Variants in DLG2 observed in about 807,000 individuals in gnomAD.
DLG2 encodes the protein discs large MAGUK scaffold protein 2.
A neutral mutation model predicts 132.5 loss-of-function variants in DLG2; 45 were observed. The ratio of observed to expected loss-of-function variants is 0.34; its 90% confidence interval spans 0.27 to 0.44. The LOEUF (loss-of-function observed/expected upper bound fraction) is 0.44. Among genes scored for constraint, DLG2 ranks in the 20% least tolerant of loss-of-function variants. The pLI is 1.00. For synonymous variants in DLG2, 424 were observed against 419.6 expected (o/e 1.01, Z -0.13); for missense variants, 1,045 against 1,196.9 (o/e 0.87, Z 1.87).
chr11:84,392,834 G>T (rs1243017455), intron 7 of DLG2, among the ~76,000 whole-genome samples: 1 of 151,984 alleles, frequency 6.6e-6, no homozygotes, highest in Non-Finnish European at 1.5e-5. Flanking sequence ...TTCTAATTTG[G>T]GCAGTTTGGG....
intron 3 of DLG2, among the ~76,000 whole-genome samples, chr11:85,458,294 G>C (rs529124837): frequency 6.6e-6 from 1 of 150,702 alleles, no homozygotes; most frequent in Admixed American, 6.6e-5. Flanking sequence ...AATCTGTTTG[G>C]TTATTCCTTA....
intron 4 of DLG2, among the ~76,000 whole-genome samples, chr11:85,160,350 G>T (rs1350733251): frequency 6.6e-6 from 1 of 152,204 alleles, no homozygotes; most frequent in African/African-American, 2.4e-5. Flanking sequence ...GGCAGATAGG[G>T]ATGCTGTTTG....
intron 6 of DLG2, among the ~76,000 whole-genome samples, chr11:84,721,296 G>T (rs1405159408): frequency 6.6e-6 from 1 of 152,132 alleles, no homozygotes; most frequent in Non-Finnish European, 1.5e-5. Flanking sequence ...GTTGACTTCT[G>T]GTTCAGCGAG....
chr11:83,963,009 T>C lies in DLG2; in HGVS notation c.1216A>G (p.Met406Val), dbSNP rs764812723. The stretch of plus-strand genomic sequence containing the variant: ...TTGCCAGAGAGTAGATGGTTTTCCA[T>C]TGGTGGAGAATAAGCTAAGAGGTGG... ...PDITHSYSPP[M>V]ENHLLSGNNG... Residue 406 changes from methionine (M) to valine (V), a missense_variant, in exon 14 of 28, where the codon ATG becomes GTG. Transcript: ENST00000376104. 10 of 1,612,756 alleles carry C rather than the reference T, an allele frequency of 6.2e-6. No homozygotes were observed. Among genetic ancestry groups the C allele is most frequent in the East Asian group, 4.5e-5 (2 of 44,856 alleles).
At chr11:85,233,095 G>GTTT (rs902115642) in intron 4 of DLG2, among the ~76,000 whole-genome samples, 2 of 151,364 alleles carry the variant, frequency 1.3e-5, no homozygotes, top group African/African-American at 4.9e-5. Flanking sequence ...ATTTCATGTG[G>GTTT]TTTTTTTTCC....
rs553378612 is a variant in DLG2, at chr11:84,352,650, T to C, written c.520-101359A>G. Among the ~76,000 whole-genome samples the C allele has an allele frequency of 4.1e-4, 62 of 152,302 alleles. 2 individuals are homozygous for C. The South Asian group carries it at 0.012, about 29-fold the overall frequency. ...TTGCTTATCTGCTGGCTCAATTCAT[T>C]GGCGCAAGTAGTGGTTAGGCCAAGG... On this transcript the variant is annotated intron_variant, in intron 7 of 27. Coordinates refer to ENST00000376104, the MANE Select transcript of DLG2 (RefSeq NM_001142699.3).
At chr11:84,523,742 G>T (rs2099311630) in intron 7 of DLG2, among the ~76,000 whole-genome samples, 1 of 152,138 alleles carries the variant, frequency 6.6e-6, no homozygotes, top group Non-Finnish European at 1.5e-5. Flanking sequence ...TGGCAATAGT[G>T]AAATCTTAGT....
At chr11:85,552,652 T>C (rs1473203945) in intron 3 of DLG2, among the ~76,000 whole-genome samples, 1 of 151,592 alleles carries the variant, frequency 6.6e-6, no homozygotes, top group East Asian at 1.9e-4. Context: ...TAAATCTCAA[T>C]GTATAGATTA....
chr11:84,975,580 G>A lies in DLG2; in HGVS notation c.357+136081C>T, dbSNP rs147575679. Among the ~76,000 whole-genome samples the A allele has an allele frequency of 5.5e-4, 84 of 152,176 alleles. 1 individual carries two copies. The highest frequency in any genetic ancestry group is 1.4e-3 in the Admixed American group (21 of 15,276). The stretch of plus-strand genomic sequence containing the variant: ...ATGACATTTTTGAGTTGCCACATCT[G>A]CCCCAAACTGTCTTATGTGAGGGGA... On this transcript the variant is annotated intron_variant, in intron 6 of 27. Coordinates refer to ENST00000376104, the MANE Select transcript of DLG2 (RefSeq NM_001142699.3).
At chr11:85,541,893 G>A (rs117381982) in intron 3 of DLG2, among the ~76,000 whole-genome samples, 3,568 of 152,050 alleles carry the variant, frequency 0.023, 119 homozygotes, top group Non-Finnish European at 0.025. Context: ...AATGCAAATG[G>A]AATTATTTGT....
intron 6 of DLG2, among the ~76,000 whole-genome samples, chr11:84,561,306 T>C (rs982268052): frequency 4.6e-5 from 7 of 152,126 alleles, no homozygotes; most frequent in Non-Finnish European, 7.4e-5. Flanking sequence ...GATTTCATGA[T>C]GGCAGATGCC....
intron 3 of DLG2, among the ~76,000 whole-genome samples, chr11:85,498,948 G>C (rs7127077): frequency 0.024 from 3,639 of 152,258 alleles, 140 homozygotes; most frequent in African/African-American, 0.082. Context: ...GCAGTGTGTA[G>C]AGGGAAATTT....
At chr11:85,475,050 G>A (rs1379836000) in intron 3 of DLG2, among the ~76,000 whole-genome samples, 1 of 151,494 alleles carries the variant, frequency 6.6e-6, no homozygotes, top group Non-Finnish European at 1.5e-5. Flanking sequence ...AGACTAATAA[G>A]ATAAGCCTCT....
chr11:84,031,232 T>TAAAA (rs34137957), intron 11 of DLG2, among the ~76,000 whole-genome samples: 124 of 138,676 alleles, frequency 8.9e-4, no homozygotes, highest in Admixed American at 1.8e-3. Flanking sequence ...TCCAGAAAGG[T>TAAAA]AAAAAAAAAA....
At chr11:83,962,594 T>G (rs1225201807) in intron 14 of DLG2, among the ~76,000 whole-genome samples, 1 of 152,118 alleles carries the variant, frequency 6.6e-6, no homozygotes, top group Non-Finnish European at 1.5e-5. Flanking sequence ...TATTAATACT[T>G]ACCTTACACT....
At chr11:84,533,788 A>AT (rs894165387) in intron 7 of DLG2, among the ~76,000 whole-genome samples, 1 of 149,980 alleles carries the variant, frequency 6.7e-6, no homozygotes, top group African/African-American at 2.5e-5. Context: ...AGGTGCTTTT[A>AT]TTTTTTCCAT....
chr11:83,785,350 G>C (rs796128823), intron 18 of DLG2, among the ~76,000 whole-genome samples: 5 of 152,076 alleles, frequency 3.3e-5, no homozygotes, highest in Non-Finnish European at 7.4e-5. Context: ...CACCGCACAC[G>C]GCCTATGATG....
At position 84,052,044 on chromosome 11, in the gene DLG2, A is replaced by G. The variant is rs563301537; in HGVS notation, c.919+7271T>C. ...AGTGATGGAACCTGGTGCTAAGGAG[A>G]TATCATAAGGCTAAGTTTTAATATA... On this transcript the variant is annotated intron_variant, in intron 11 of 27. Coordinates refer to ENST00000376104, the MANE Select transcript of DLG2 (RefSeq NM_001142699.3). Among the ~76,000 whole-genome samples the G allele has an allele frequency of 5.9e-5, 9 of 151,920 alleles. No homozygotes were observed. In the South Asian group the frequency reaches 1.7e-3, roughly 28 times the overall value.
intron 9 of DLG2, among the ~76,000 whole-genome samples, chr11:84,151,000 T>C (rs1031888879): frequency 1.3e-5 from 2 of 151,748 alleles, no homozygotes; most frequent in African/African-American, 4.9e-5. Context: ...GCTGCTGGAT[T>C]CAGTTTGCTA....
Sources: allele counts gnomAD v4.1 joint callset (sites outside exome capture counted in the v4.1 genomes callset), GRCh38; gene constraint gnomAD v4.1.1; transcripts MANE v1.5; gene names NCBI Gene and HGNC (gene_info 2026-07-23, HGNC 2026-07-21).